Variants in DGKI observed in about 807,000 individuals in gnomAD.
DGKI encodes DAG kinase iota.
A neutral mutation model predicts 147.5 loss-of-function variants in DGKI; 55 were observed. That is an observed-to-expected ratio of 0.37 (90% CI 0.30 to 0.47). DGKI has a LOEUF of 0.47. DGKI is among the 20% of genes least tolerant of loss of function. The pLI is 1.00. For missense variants in DGKI, 1,007 were observed against 1,323.8 expected (o/e 0.76, Z 3.71); for synonymous variants, 469 against 477.1 (o/e 0.98, Z 0.22).
intron 28 of DGKI, among the ~76,000 whole-genome samples, chr7:137,413,535 T>C (rs1812245568): frequency 6.6e-6 from 1 of 152,196 alleles, no homozygotes; most frequent in Non-Finnish European, 1.5e-5. Flanking sequence ...AGATGCAATA[T>C]TTGGTTTTCT....
At chr7:137,620,101 G>C (rs951004250) in intron 7 of DGKI, among the ~76,000 whole-genome samples, 161 bp from the exon 8 acceptor site, 4 of 149,828 alleles carry the variant, frequency 2.7e-5, no homozygotes, top group Non-Finnish European at 5.9e-5. Flanking sequence ...TGCACACATG[G>C]GCACACACTG....
chr7:137,475,335 C>A (rs563719401), intron 23 of DGKI, among the ~76,000 whole-genome samples: 1 of 152,264 alleles, frequency 6.6e-6, no homozygotes, highest in African/African-American at 2.4e-5. Flanking sequence ...AATCAGCAAT[C>A]CAGTGCCTCT....
intron 20 of DGKI, among the ~76,000 whole-genome samples, chr7:137,549,987 C>G (rs571188559): frequency 6.6e-6 from 1 of 152,148 alleles, no homozygotes; most frequent in East Asian, 1.9e-4. Flanking sequence ...TTCACAAGTA[C>G]TAATAAAGAT....
chr7:137,662,691 TGC>T (rs200945188), intron 3 of DGKI, among the ~76,000 whole-genome samples: 5,425 of 152,212 alleles, frequency 0.036, 299 homozygotes, highest in African/African-American at 0.12. Context: ...GAGGTTCAAT[TGC>T]AGAGAGACCT....
intron 19 of DGKI, among the ~76,000 whole-genome samples, chr7:137,554,914 CTTTTTTTTTTTT>C (rs757320303): frequency 1.9e-5 from 2 of 107,430 alleles, no homozygotes; most frequent in African/African-American, 7.8e-5. Context: ...AAACTATTTT[CTTTTTTTTTTTT>C]TTTTTTTTTG....
chr7:137,843,452 G>C (rs949207290), intron 1 of DGKI: 1 of 984,794 alleles, frequency 1.0e-6, no homozygotes, highest in South Asian at 4.7e-5. Flanking sequence ...TTTGCTCTAG[G>C]GGTGCAGATT....
chr7:137,610,124 GA>G, intron 8 of DGKI, among the ~76,000 whole-genome samples: 1 of 149,846 alleles, frequency 6.7e-6, no homozygotes, highest in Middle Eastern at 3.4e-3. Context: ...AGTGACTCTT[GA>G]CCCTACTCGA....
chr7:137,786,954 C>T (rs944584735), intron 1 of DGKI, among the ~76,000 whole-genome samples: 4 of 152,156 alleles, frequency 2.6e-5, no homozygotes, highest in African/African-American at 4.8e-5. Context: ...CCTCATCTCT[C>T]ACCTTATACA....
At chr7:137,509,361 T>A (rs888918868) in intron 21 of DGKI, among the ~76,000 whole-genome samples, 1 of 151,902 alleles carries the variant, frequency 6.6e-6, no homozygotes, top group Admixed American at 6.6e-5. Context: ...AATGGTGAGG[T>A]CTGGAATAGA....
chr7:137,508,248 G>A lies in DGKI; in HGVS notation c.2248+13618C>T, dbSNP rs1456915769. 3.3e-5 allele frequency among the ~76,000 whole-genome samples: 3 copies of A among 91,602 alleles called. No homozygotes were observed. In the South Asian group the frequency reaches 1.2e-3, roughly 36 times the overall value. The allele number at this position is 91,602 out of a possible 152,430, so 60.1% of individuals were successfully genotyped here. A position where few individuals can be genotyped will look rare whatever the true frequency, so the allele number is the denominator to read the frequency against. ...TTTTTTTTTTTTTTTTTTTTTTTGA[G>A]ACGGAGTCTCACTCTGTTGCCCAGG... On this transcript the variant is annotated intron_variant, in intron 21 of 32. Transcript: ENST00000614521.
chr7:137,748,944 A>T (rs1312005764), intron 1 of DGKI, among the ~76,000 whole-genome samples: 1 of 152,218 alleles, frequency 6.6e-6, no homozygotes, highest in African/African-American at 2.4e-5. Context: ...ATAAAAACTG[A>T]GTTAGATGAC....
intron 6 of DGKI, among the ~76,000 whole-genome samples, chr7:137,637,297 C>T (rs1438641547): frequency 6.6e-6 from 1 of 152,164 alleles, no homozygotes; most frequent in Non-Finnish European, 1.5e-5. Context: ...GAACCCTGAG[C>T]TAAAATAATG....
intron 3 of DGKI, among the ~76,000 whole-genome samples, chr7:137,669,395 G>A (rs1822762230): frequency 6.6e-6 from 1 of 152,176 alleles, no homozygotes; most frequent in Non-Finnish European, 1.5e-5. Flanking sequence ...AGGAATACTG[G>A]TTAAACCCCA....
chr7:137,831,368 T>C (rs1291053319), intron 1 of DGKI, among the ~76,000 whole-genome samples: 2 of 152,168 alleles, frequency 1.3e-5, no homozygotes, highest in Non-Finnish European at 2.9e-5. Context: ...GAAAAACAGG[T>C]TTACTGGACT....
intron 27 of DGKI, among the ~76,000 whole-genome samples, chr7:137,447,013 G>T (rs1585123277): frequency 6.6e-6 from 1 of 152,146 alleles, no homozygotes; most frequent in East Asian, 1.9e-4. Flanking sequence ...ACTATTACTA[G>T]CATTCTTATA....
chr7:137,450,022 A>G (rs2128920154), intron 27 of DGKI, among the ~76,000 whole-genome samples: 1 of 152,374 alleles, frequency 6.6e-6, no homozygotes, highest in South Asian at 2.1e-4. Flanking sequence ...TAAGCTAAAT[A>G]AGCCAGGTAG....
At chr7:137,513,399 T>C (rs1585186452) in intron 21 of DGKI, among the ~76,000 whole-genome samples, 1 of 152,314 alleles carries the variant, frequency 6.6e-6, no homozygotes, top group Admixed American at 6.5e-5. Flanking sequence ...CCCACCAGCA[T>C]ACACACTTGC....
chr7:137,556,987 A>G (rs751029297), intron 19 of DGKI, among the ~76,000 whole-genome samples: 2 of 151,618 alleles, frequency 1.3e-5, no homozygotes, highest in Non-Finnish European at 2.9e-5. Flanking sequence ...TCTAAAAAGA[A>G]AAAAGAAGAA....
intron 20 of DGKI, among the ~76,000 whole-genome samples, chr7:137,544,044 T>C (rs1401978758): frequency 6.6e-6 from 1 of 152,164 alleles, no homozygotes; most frequent in Non-Finnish European, 1.5e-5. Flanking sequence ...TATTTTCAAA[T>C]TAACATTCAA....
Sources: allele counts gnomAD v4.1 joint callset (sites outside exome capture counted in the v4.1 genomes callset), GRCh38; gene constraint gnomAD v4.1.1; transcripts MANE v1.5; gene names NCBI Gene and HGNC (gene_info 2026-07-23, HGNC 2026-07-21).